SLC20A2: variants seen among roughly 807,000 people sequenced by gnomAD.
SLC20A2 encodes the protein sodium-dependent phosphate transporter 2.
In SLC20A2, 30 loss-of-function variants were observed where a neutral mutation model predicts 61.0. The observed-to-expected ratio is 0.49, with a 90% confidence interval of 0.37 to 0.67. The LOEUF is 0.67. Among genes scored for constraint, SLC20A2 ranks in the 30% least tolerant of loss-of-function variants. SLC20A2 has a pLI of 0.00. For synonymous variants in SLC20A2, 351 were observed against 353.3 expected (o/e 0.99, Z 0.07); for missense variants, 626 against 866.4 (o/e 0.72, Z 3.48).
At chr8:42,433,931 C>A (rs971045726) in intron 8 of SLC20A2, among the ~76,000 whole-genome samples, 5 of 152,156 alleles carry the variant, frequency 3.3e-5, no homozygotes, top group African/African-American at 1.2e-4. Context: ...GAGCCTCCAT[C>A]CTGTTTTCCA....
At chr8:42,425,754 CAA>C (rs1803362313) in intron 10 of SLC20A2, among the ~76,000 whole-genome samples, 1 of 152,142 alleles carries the variant, frequency 6.6e-6, no homozygotes. Context: ...TCAAAGGAAA[CAA>C]AACTGGCTGG....
chr8:42,447,134 G>A (rs1484017671), intron 5 of SLC20A2, among the ~76,000 whole-genome samples: 9 of 151,812 alleles, frequency 5.9e-5, no homozygotes, highest in Admixed American at 5.3e-4. Flanking sequence ...TTGAAGCCAG[G>A]AGTTCAAGAC....
intron 1 of SLC20A2, among the ~76,000 whole-genome samples, chr8:42,487,308 G>A (rs1463093906): frequency 6.6e-6 from 1 of 151,328 alleles, no homozygotes; most frequent in African/African-American, 2.4e-5. Flanking sequence ...CTCCCAAGTA[G>A]CTGGGACTAC....
chr8:42,455,929 GAAGGATTAATCCACATA>G (rs1048188022), intron 5 of SLC20A2, among the ~76,000 whole-genome samples: 1 of 152,148 alleles, frequency 6.6e-6, no homozygotes, highest in Admixed American at 6.6e-5. Flanking sequence ...GGGAGGACTA[GAAGGATTAATCCACATA>G]AAGCTCAGTT....
intron 4 of SLC20A2, among the ~76,000 whole-genome samples, chr8:42,462,046 G>A (rs145354793): frequency 1.7e-3 from 262 of 152,250 alleles, no homozygotes; most frequent in African/African-American, 5.9e-3. Flanking sequence ...GACTGTGGCC[G>A]GAGCTCAAAA....
chr8:42,422,400 A>G (rs1803108229), intron 10 of SLC20A2, among the ~76,000 whole-genome samples: 1 of 152,184 alleles, frequency 6.6e-6, no homozygotes, highest in African/African-American at 2.4e-5. Context: ...AGTTTTTACA[A>G]TCAATATTCA....
chr8:42,477,025 G>A (rs1808167689), intron 1 of SLC20A2, among the ~76,000 whole-genome samples: 2 of 152,196 alleles, frequency 1.3e-5, no homozygotes, highest in Non-Finnish European at 2.9e-5. Context: ...TCAATATGTG[G>A]TGACTGTTAC....
intron 1 of SLC20A2, among the ~76,000 whole-genome samples, chr8:42,494,487 G>T (rs1809765716): frequency 6.6e-6 from 1 of 152,124 alleles, no homozygotes; most frequent in African/African-American, 2.4e-5. Flanking sequence ...ACCTCCTAGA[G>T]ATAGTTATTG....
chr8:42,465,887 A>T lies in SLC20A2; in HGVS notation c.320T>A (p.Phe107Tyr), dbSNP rs1279191030. Reference protein sequence around the residue: ...GSAVWQLIASFLRLPISGTHC... With the variant: ...GSAVWQLIASYLRLPISGTHC... Reference sequence around the variant, plus strand: ...CGTTCCTGAGATTGGAAGCCTCAGGAAGGAAGCAATCAGCTGCCACACAGC... The same window carrying T: ...CGTTCCTGAGATTGGAAGCCTCAGGTAGGAAGCAATCAGCTGCCACACAGC... Residue 107 changes from phenylalanine to tyrosine, a missense_variant, in exon 3 of 11, where the codon TTC becomes TAC. Transcript: ENST00000520262. 1 of 1,613,456 alleles carries T rather than the reference A, an allele frequency of 6.2e-7. No individual in the cohort carries two copies. The highest frequency in any genetic ancestry group is 8.5e-7 in the Non-Finnish European group (1 of 1,179,856).
At chr8:42,487,970 G>A (rs1809169481) in intron 1 of SLC20A2, among the ~76,000 whole-genome samples, 1 of 152,118 alleles carries the variant, frequency 6.6e-6, no homozygotes, top group Non-Finnish European at 1.5e-5. Context: ...ACAGCCTAAG[G>A]AGCTCAGGGG....
intron 8 of SLC20A2, among the ~76,000 whole-genome samples, chr8:42,431,642 C>T (rs1187259299): frequency 6.6e-6 from 1 of 152,154 alleles, no homozygotes; most frequent in Non-Finnish European, 1.5e-5. Flanking sequence ...ACTTCCATAG[C>T]CAGAGAGAAG....
intron 1 of SLC20A2, among the ~76,000 whole-genome samples, chr8:42,495,022 T>C (rs2131327609): frequency 6.6e-6 from 1 of 150,596 alleles, no homozygotes; most frequent in East Asian, 1.9e-4. Context: ...AATTTTTTTG[T>C]ATTTTTTTTT....
chr8:42,492,661 A>C (rs1000534430), intron 1 of SLC20A2, among the ~76,000 whole-genome samples: 1 of 152,050 alleles, frequency 6.6e-6, no homozygotes, highest in Non-Finnish European at 1.5e-5. Flanking sequence ...ATGATTCCAG[A>C]TTCCTTTCAG....
intron 10 of SLC20A2, among the ~76,000 whole-genome samples, chr8:42,425,601 C>T (rs899938966): frequency 2.0e-5 from 3 of 152,176 alleles, no homozygotes; most frequent in African/African-American, 4.8e-5. Context: ...CAGAAGTCCA[C>T]GATCAATGAT....
chr8:42,435,110 G>A (rs1307722346), intron 8 of SLC20A2, among the ~76,000 whole-genome samples: 1 of 152,122 alleles, frequency 6.6e-6, no homozygotes, highest in African/African-American at 2.4e-5. Context: ...GGGACGGTGT[G>A]GGGGCAGACA....
intron 1 of SLC20A2, among the ~76,000 whole-genome samples, chr8:42,514,269 T>TG (rs1481960705): frequency 4.6e-5 from 7 of 152,188 alleles, no homozygotes; most frequent in Admixed American, 4.6e-4. Flanking sequence ...TCAACACCAC[T>TG]GCATCAGCTT....
intron 10 of SLC20A2, among the ~76,000 whole-genome samples, chr8:42,420,202 T>G (rs1040487291): frequency 3.3e-5 from 5 of 151,850 alleles, no homozygotes; most frequent in African/African-American, 9.7e-5. Context: ...AAAAAAAAAT[T>G]GTCTCTTCAT....
Position 42,472,207 on chromosome 8 carries a change from G to A in SLC20A2, c.184C>T (p.Leu62=). 6.2e-7 allele frequency: 1 copy of A among 1,614,180 alleles called. No homozygotes were observed. The highest frequency in any genetic ancestry group is 8.5e-7 in the Non-Finnish European group (1 of 1,180,032). The part of the protein sequence containing the change: ...SIFETTGSVL[L]GAKVGETIRK... The stretch of plus-strand genomic sequence containing the variant: ...ATGGTTTCTCCTACTTTGGCGCCTA[G>A]TAACACGGAGCCGGTGGTTTCAAAT... The change falls in exon 2 of 11, where the codon CTA becomes TTA. Residue 62 remains leucine (L), a synonymous_variant. Transcript: ENST00000520262. The surrounding 1 kb of genome is among the most constrained non-coding windows in gnomAD (Gnocchi z 4.1).
At chr8:42,528,049 G>A (rs1812087008) in intron 1 of SLC20A2, among the ~76,000 whole-genome samples, 1 of 152,038 alleles carries the variant, frequency 6.6e-6, no homozygotes, top group Non-Finnish European at 1.5e-5. Context: ...TTACCACTAA[G>A]CACTGATTGC....
Sources: allele counts gnomAD v4.1 joint callset (sites outside exome capture counted in the v4.1 genomes callset), GRCh38; gene constraint gnomAD v4.1.1; non-coding constraint Gnocchi (gnomAD v3.1); transcripts MANE v1.5; gene names NCBI Gene and HGNC (gene_info 2026-07-23, HGNC 2026-07-21).